The following PRKN variants were observed in gnomAD, a reference collection of about 807,000 sequenced individuals.
PRKN encodes the protein parkin RBR E3 ubiquitin protein ligase, also known as E3 ubiquitin-protein ligase parkin.
In PRKN, 56 loss-of-function variants were observed where a neutral mutation model predicts 59.5. The observed-to-expected ratio is 0.94, with a 90% CI of 0.76 to 1.18. The LOEUF is 1.18. Among genes scored for constraint, PRKN ranks in the 50% most tolerant of loss-of-function variants. The pLI is 0.00. For synonymous variants in PRKN, 250 were observed against 222.1 expected, an observed-to-expected ratio of 1.13 and a Z score of -1.12; for missense variants, 657 against 596.4, an observed-to-expected ratio of 1.10 and a Z score of -1.06.
At chr6:162,457,007 G>A (rs1400895243) in intron 1 of PRKN, among the ~76,000 whole-genome samples, 1 of 152,122 alleles carries the variant, frequency 6.6e-6, no homozygotes, top group East Asian at 1.9e-4. Flanking sequence ...CTCAAAGAGG[G>A]CATTTGTTTG....
chr6:162,685,518 A>G (rs918575116), intron 1 of PRKN, among the ~76,000 whole-genome samples: 9 of 152,220 alleles, frequency 5.9e-5, no homozygotes, highest in Non-Finnish European at 7.3e-5. Flanking sequence ...GATGAAAACC[A>G]GAAGTATTCC....
chr6:161,793,013 G>A (rs528213215), intron 6 of PRKN, among the ~76,000 whole-genome samples: 15 of 152,202 alleles, frequency 9.9e-5, no homozygotes, highest in Admixed American at 7.9e-4. Flanking sequence ...AGAAGTAACC[G>A]GCACAGCGCC....
At chr6:162,107,246 C>T (rs997878714) in intron 4 of PRKN, among the ~76,000 whole-genome samples, 1 of 152,180 alleles carries the variant, frequency 6.6e-6, no homozygotes, top group Admixed American at 6.5e-5. Flanking sequence ...GGGCGCATCA[C>T]TTGAGGTCAG....
intron 6 of PRKN, among the ~76,000 whole-genome samples, chr6:161,816,907 T>A (rs1791807028): frequency 6.6e-6 from 1 of 152,056 alleles, no homozygotes; most frequent in South Asian, 2.1e-4. Context: ...TTGATTCCTG[T>A]CCTCCAAAAC....
At chr6:161,686,112 C>T (rs1351697231) in intron 7 of PRKN, among the ~76,000 whole-genome samples, 1 of 146,886 alleles carries the variant, frequency 6.8e-6, no homozygotes, top group Admixed American at 6.8e-5. Flanking sequence ...AAATTGTTGA[C>T]TGGTCATGAT....
At chr6:161,962,003 T>C (rs1356743817) in intron 6 of PRKN, among the ~76,000 whole-genome samples, 2 of 152,178 alleles carry the variant, frequency 1.3e-5, no homozygotes, top group Non-Finnish European at 2.9e-5. Context: ...TCATGTTTCC[T>C]GTGATGCAGA....
intron 4 of PRKN, among the ~76,000 whole-genome samples, chr6:162,158,422 T>G (rs1407750509): frequency 2.6e-5 from 4 of 151,358 alleles, no homozygotes; most frequent in African/African-American, 9.7e-5. Context: ...TTGCGTTTTT[T>G]TTTTTTTTTT....
chr6:162,301,718 A>G (rs568468312), intron 2 of PRKN, among the ~76,000 whole-genome samples: 1 of 145,114 alleles, frequency 6.9e-6, no homozygotes, highest in East Asian at 2.0e-4. Flanking sequence ...TGCCTTGGTA[A>G]AGACCCTATC....
chr6:161,426,676 C>CACACACACAT (rs11271613), intron 9 of PRKN, among the ~76,000 whole-genome samples: 6,739 of 142,704 alleles, frequency 0.047, 256 homozygotes, highest in African/African-American at 0.065. Flanking sequence ...CACACACACA[C>CACACACACAT]CTCCTATTAG....
chr6:162,425,345 C>T (rs569038093), intron 2 of PRKN, among the ~76,000 whole-genome samples: 2 of 152,232 alleles, frequency 1.3e-5, no homozygotes, highest in Non-Finnish European at 2.9e-5. Context: ...CATTCTAACA[C>T]AGAAACCTTG....
At chr6:162,231,886 C>A (rs914946674) in intron 3 of PRKN, among the ~76,000 whole-genome samples, 2 of 152,112 alleles carry the variant, frequency 1.3e-5, no homozygotes, top group African/African-American at 4.8e-5. Flanking sequence ...TAAGGAAATG[C>A]AGTGCTCTGT....
At chr6:162,160,310 A>G (rs572397396) in intron 4 of PRKN, among the ~76,000 whole-genome samples, 17 of 152,342 alleles carry the variant, frequency 1.1e-4, no homozygotes, top group African/African-American at 2.2e-4. Flanking sequence ...GATGGTCAAT[A>G]GTATTAGTCA....
rs1479804472 is a variant in PRKN at position 161,518,880 on chromosome 6, C to G, written c.1083+29974G>C. Among the ~76,000 whole-genome samples, 2 of 152,168 alleles carry G rather than the reference C, an allele frequency of 1.3e-5. No individual in the cohort carries two copies. The highest frequency in any genetic ancestry group is 2.9e-5 in the Non-Finnish European group (2 of 68,032). On this transcript the variant is annotated intron_variant, in intron 9 of 11. Coordinates refer to ENST00000366898, the MANE Select transcript of PRKN (RefSeq NM_004562.3). The surrounding 1 kb of genome is among the most constrained non-coding windows in gnomAD (Gnocchi z 5.0). ...CTCACTCAGAGAGCAGCCCTCCACA[C>G]CAATGTCAGGGAGAGGAAGGCTGAG...
At chr6:161,842,913 T>A (rs2128220988) in intron 6 of PRKN, among the ~76,000 whole-genome samples, 1 of 152,322 alleles carries the variant, frequency 6.6e-6, no homozygotes, top group Middle Eastern at 3.4e-3. Context: ...GGATTGAGGC[T>A]GAATGTTAAG....
intron 5 of PRKN, among the ~76,000 whole-genome samples, chr6:162,027,184 T>C (rs1783467723): frequency 6.6e-6 from 1 of 152,180 alleles, no homozygotes; most frequent in South Asian, 2.1e-4. Flanking sequence ...ACTCTAAGCA[T>C]TATTCTTTCT....
intron 4 of PRKN, among the ~76,000 whole-genome samples, chr6:162,063,831 C>T (rs1328560801): frequency 2.6e-5 from 4 of 152,314 alleles, no homozygotes; most frequent in South Asian, 2.1e-4. Flanking sequence ...AGGCAAGAGC[C>T]GCAGCGCGCA....
intron 7 of PRKN, among the ~76,000 whole-genome samples, chr6:161,627,329 G>A (rs151190615): frequency 1.2e-4 from 19 of 152,270 alleles, no homozygotes; most frequent in South Asian, 4.1e-4. Context: ...ACTAAAGTAC[G>A]TATTATTTTC....
chr6:162,570,979 T>C (rs746123142), intron 1 of PRKN, among the ~76,000 whole-genome samples: 3 of 152,194 alleles, frequency 2.0e-5, no homozygotes, highest in Non-Finnish European at 4.4e-5. Flanking sequence ...CTTGAGGGGA[T>C]GGATACTCCA....
chr6:161,678,620 G>A (rs1785181639), intron 7 of PRKN, among the ~76,000 whole-genome samples: 1 of 131,682 alleles, frequency 7.6e-6, no homozygotes, highest in African/African-American at 3.0e-5. Context: ...CACCCAGACT[G>A]GAGTGCAGCA....
Sources: allele counts gnomAD v4.1 joint callset (sites outside exome capture counted in the v4.1 genomes callset), GRCh38; gene constraint gnomAD v4.1.1; non-coding constraint Gnocchi (gnomAD v3.1); transcripts MANE v1.5; gene names NCBI Gene and HGNC (gene_info 2026-07-23, HGNC 2026-07-21).